Variants in NUMBL observed in about 807,000 individuals in gnomAD.
NUMBL encodes numb-like protein.
A neutral mutation model predicts 48.9 loss-of-function variants in NUMBL; 20 were observed. The observed-to-expected ratio is 0.41, with a 90% CI of 0.29 to 0.59. NUMBL has a LOEUF of 0.59. NUMBL is among the 20% of genes least tolerant of loss of function. The pLI, the probability that NUMBL is intolerant of heterozygous loss-of-function variation, is 0.31. For synonymous variants in NUMBL, 340 were observed against 348.7 expected, an observed-to-expected ratio of 0.98 and a Z score of 0.28; for missense variants, 660 against 846.2, an observed-to-expected ratio of 0.78 and a Z score of 2.73.
At chr19:40,690,004 A>C in intron 1 of NUMBL, 2 of 152,654 alleles carry the variant, frequency 1.3e-5, no homozygotes, top group Non-Finnish European at 2.9e-5. Context: ...CGTGGTGGGA[A>C]CGCTGTACCC....
At chr19:40,679,396 T>C (rs1039522113) in intron 6 of NUMBL, among the ~76,000 whole-genome samples, 3 of 151,702 alleles carry the variant, frequency 2.0e-5, no homozygotes, top group African/African-American at 7.3e-5. Flanking sequence ...ATTAAAAACA[T>C]TGCCGGGCAG....
At chr19:40,683,514 A>G (rs1435138613) in intron 3 of NUMBL, among the ~76,000 whole-genome samples, 3 of 152,112 alleles carry the variant, frequency 2.0e-5, no homozygotes, top group African/African-American at 7.2e-5. Flanking sequence ...CACCTCCCAA[A>G]TGAAGCCGTC....
intron 1 of NUMBL, chr19:40,690,023 C>T (rs886482972): frequency 2.6e-5 from 4 of 154,220 alleles, no homozygotes; most frequent in African/African-American, 9.6e-5. Context: ...CCAGTGACCC[C>T]ATCCTCGAGA....
chr19:40,689,542 T>TC, intron 1 of NUMBL: 1 of 152,464 alleles, frequency 6.6e-6, no homozygotes, highest in Non-Finnish European at 1.5e-5. Flanking sequence ...ATCGCTTGCT[T>TC]CCCCCCTTCC....
intron 6 of NUMBL, 48 bp from the exon 7 acceptor site, chr19:40,677,469 G>C: frequency 6.4e-7 from 1 of 1,554,204 alleles, no homozygotes; most frequent in Non-Finnish European, 8.7e-7. Context: ...GGGCAGTGCG[G>C]ACAGGGGCCA....
rs201873393 is a variant in NUMBL, at chr19:40,668,054, C to T, written c.1244G>A (p.Arg415Gln). ...GHKRTPSEAE[R>Q]WLEEVSQVAK... The stretch of plus-strand genomic sequence containing the variant: ...CACCTGTGACACCTCCTCCAGCCAT[C>T]GCTCAGCCTCTGAAGGTGTCCGCTT... Residue 415 changes from arginine (R) to glutamine (Q), a missense_variant, in exon 10 of 10, where the codon CGA (arginine) becomes CAA (glutamine). Around this residue, in one of 3 missense-constraint regions of NUMBL, gnomAD observed 296 missense variants for 339.7 expected, o/e 0.87. Transcript: ENST00000252891. The T allele has an allele frequency of 9.4e-6, 15 of 1,589,438 alleles. No individual in the cohort carries two copies. The highest frequency in any genetic ancestry group is 2.7e-5 in the African/African-American group (2 of 74,736).
rs944755951 is a variant in NUMBL at position 40,673,264 on chromosome 19, C to A, written c.1036+80G>T. 39 of 1,377,236 alleles carry A rather than the reference C, an allele frequency of 2.8e-5. No individual in the cohort carries two copies. The East Asian group carries it at 4.4e-4, about 16-fold the overall frequency. 85.3% of individuals were successfully genotyped at this position (1,377,236 alleles called of 1,614,324 possible). On this transcript the variant is annotated intron_variant, in intron 8 of 9. Coordinates refer to ENST00000252891, the MANE Select transcript of NUMBL (RefSeq NM_004756.5). The surrounding 1 kb of genome is among the most constrained non-coding windows in gnomAD (Gnocchi z 5.9). ...CAGTGCAAATCAATCACAGTGTGAA[C>A]CATCTCGCCTCCATCCCTTGCCCAC... is the stretch of plus-strand genomic sequence containing the variant.
chr19:40,670,713 G>A (rs1196146765), intron 8 of NUMBL, among the ~76,000 whole-genome samples: 1 of 152,164 alleles, frequency 6.6e-6, no homozygotes, highest in Non-Finnish European at 1.5e-5. Flanking sequence ...GGTGTGCTGC[G>A]GGGGCGCCCG....
Position 40,682,288 on chromosome 19 carries a change from A to C in NUMBL, c.399+440T>G, listed in dbSNP as rs2081908947. ...ATTACAGGTACACACCACCATGTCC[A>C]GCTAATTTTTGTATTTTTAGTGAGA... On this transcript the variant is annotated intron_variant, in intron 5 of 9. Coordinates refer to ENST00000252891, the MANE Select transcript of NUMBL (RefSeq NM_004756.5). This position sits in a 1 kb window ranked among gnomAD's most constrained non-coding sequence, Gnocchi z 4.0. Among the ~76,000 whole-genome samples the C allele has an allele frequency of 6.6e-6, 1 of 151,852 alleles. No homozygotes were observed. The highest frequency in any genetic ancestry group is 2.4e-5 in the African/African-American group (1 of 41,346).
chr19:40,670,867 T>C (rs1485871574), intron 8 of NUMBL, among the ~76,000 whole-genome samples: 1 of 152,024 alleles, frequency 6.6e-6, no homozygotes, highest in Non-Finnish European at 1.5e-5. Context: ...GATGTATGAG[T>C]GTGTTTGCAG....
At chr19:40,670,495 T>TA (rs1388965283) in intron 8 of NUMBL, among the ~76,000 whole-genome samples, 1 of 151,880 alleles carries the variant, frequency 6.6e-6, no homozygotes, top group Non-Finnish European at 1.5e-5. Flanking sequence ...AGAGCAGAGA[T>TA]ACACCTGTGC....
In NUMBL at chr19:40,684,554, C is replaced by G; in HGVS notation, c.112G>C (p.Gly38Arg). The G allele has an allele frequency of 6.2e-7, 1 of 1,605,964 alleles. No homozygotes were observed. Among genetic ancestry groups the G allele is most frequent in the Non-Finnish European group, 8.5e-7 (1 of 1,175,186 alleles). Residue 38 changes from glycine to arginine, a missense_variant and splice_region_variant, in exon 3 of 10, where the codon GGG becomes CGG. Around this residue, in one of 3 missense-constraint regions of NUMBL, gnomAD observed 86 missense variants for 85.9 expected, o/e 1.00. Coordinates refer to ENST00000252891, the MANE Select transcript of NUMBL (RefSeq NM_004756.5). ...PPETCRTEPDGAGTMNKLRQS... is the reference protein window; with the variant it reads ...PPETCRTEPDRAGTMNKLRQS... ...CGTAACTTGTTCATGGTGCCCGCCC[C>G]GTCTGGTGACACAGGACAGTGATGT...
chr19:40,689,042 C>A (rs1000049364), intron 1 of NUMBL, among the ~76,000 whole-genome samples: 36 of 152,148 alleles, frequency 2.4e-4, no homozygotes, highest in Non-Finnish European at 1.0e-4. Flanking sequence ...GTGTGTGTCA[C>A]TCACGTATAT....
At chr19:40,671,596 G>C (rs574202519) in intron 8 of NUMBL, among the ~76,000 whole-genome samples, 1 of 152,300 alleles carries the variant, frequency 6.6e-6, no homozygotes, top group South Asian at 2.1e-4. Flanking sequence ...AATGCTGCAG[G>C]CATGGAGGGA....
chr19:40,670,097 C>A, intron 8 of NUMBL, 77 bp from the exon 9 acceptor site: 10 of 1,533,354 alleles, frequency 6.5e-6, no homozygotes, highest in Non-Finnish European at 8.8e-6. Context: ...CCCCCGCCCT[C>A]GGTGGCCCTC....
chr19:40,668,227 G>A, intron 9 of NUMBL, 89 bp from the exon 10 acceptor site: 2 of 1,464,922 alleles, frequency 1.4e-6, no homozygotes, highest in Non-Finnish European at 1.8e-6. Flanking sequence ...GTGGGGATCA[G>A]AGCACGGACT....
rs74829068 is a variant in NUMBL at position 40,679,828 on chromosome 19, G to A, written c.540+1089C>T. On this transcript the variant is annotated intron_variant, in intron 6 of 9. Coordinates refer to ENST00000252891, the MANE Select transcript of NUMBL (RefSeq NM_004756.5). The stretch of plus-strand genomic sequence containing the variant: ...AGGGGGCTGGGGTAGTGGGGAGACG[G>A]GGTGAATTGATGAATGGAGATGGGG... Among the ~76,000 whole-genome samples the A allele has an allele frequency of 8.4e-3, 1,278 of 152,254 alleles. 22 individuals carry two copies. Among genetic ancestry groups the A allele is most frequent in the African/African-American group, 0.028 (1,183 of 41,528 alleles).
chr19:40,683,730 A>G (rs2081917837), intron 3 of NUMBL, among the ~76,000 whole-genome samples: 1 of 152,038 alleles, frequency 6.6e-6, no homozygotes, highest in African/African-American at 2.4e-5. Context: ...GCTACACCAC[A>G]TGACGGCTTC....
chr19:40,684,287 C>T lies in NUMBL; in HGVS notation c.249+130G>A, dbSNP rs368211753. 1.2e-5 allele frequency: 12 copies of T among 961,392 alleles called. No individual in the cohort carries two copies. In the East Asian group the frequency reaches 2.4e-4, roughly 19 times the overall value. 59.6% of individuals were successfully genotyped at this position (961,392 alleles called of 1,614,324 possible). On this transcript the variant is annotated intron_variant, in intron 3 of 9. Coordinates refer to ENST00000252891, the MANE Select transcript of NUMBL (RefSeq NM_004756.5). ...GTTTCACCGTGATAGCCAGGACTGCCGGCCTCACGCTTTTTAACACCAACT... is the reference window on the plus strand; with the variant it reads ...GTTTCACCGTGATAGCCAGGACTGCTGGCCTCACGCTTTTTAACACCAACT...
Sources: allele counts gnomAD v4.1 joint callset (sites outside exome capture counted in the v4.1 genomes callset), GRCh38; gene constraint gnomAD v4.1.1; regional missense constraint gnomAD v4.1.1; non-coding constraint Gnocchi (gnomAD v3.1); transcripts MANE v1.5; gene names NCBI Gene and HGNC (gene_info 2026-07-23, HGNC 2026-07-21).